HEATR9: variants seen among roughly 807,000 people sequenced by gnomAD.
HEATR9 encodes HEAT repeat containing 9.
In HEATR9, 54 loss-of-function variants were observed where a neutral mutation model predicts 68.2. The ratio of observed to expected loss-of-function variants is 0.79; its 90% confidence interval spans 0.64 to 0.99. The LOEUF (loss-of-function observed/expected upper bound fraction) is 0.99, where lower values mean the gene tolerates loss of function less well. Ranked by LOEUF, HEATR9 falls within the 50% of genes least tolerant of loss-of-function variation. The probability of loss-of-function intolerance (pLI) is 0.00; values close to 1 mark genes in which losing one functional copy is unlikely to be tolerated. For synonymous variants in HEATR9, 241 were observed against 253.5 expected, an observed-to-expected ratio of 0.95 and a Z score of 0.47; for missense variants, 662 against 679.7, an observed-to-expected ratio of 0.97 and a Z score of 0.29.
At chr17:35,857,713 C>T (rs967732441) in intron 11 of HEATR9, among the ~76,000 whole-genome samples, 3 of 151,664 alleles carry the variant, frequency 2.0e-5, no homozygotes, top group Admixed American at 6.6e-5. Context: ...GAGCCAAGAT[C>T]GCGCCACTGC....
At chr17:35,861,070 A>T in intron 8 of HEATR9, 1 of 874,270 alleles carries the variant, frequency 1.1e-6, no homozygotes, top group South Asian at 1.4e-5. Flanking sequence ...ATGGTTACAG[A>T]GATTTTAAAG....
intron 11 of HEATR9, among the ~76,000 whole-genome samples, chr17:35,857,471 C>T (rs1257619358): frequency 6.6e-6 from 1 of 152,030 alleles, no homozygotes; most frequent in African/African-American, 2.4e-5. Context: ...AGAAATATAA[C>T]ACCTAGGGCC....
rs2088292330 is a variant in HEATR9, at chr17:35,868,586, T to C, written c.88+69A>G. The C allele has an allele frequency of 1.9e-6, 3 of 1,605,380 alleles. No individual in the cohort carries two copies. In the East Asian group the frequency reaches 6.7e-5, roughly 36 times the overall value. ...ACTCACCTAGACCCTTGCCTGGGAG[T>C]GAGAGCCAGGTAGCATTTCTTTTTC... On this transcript the variant is annotated intron_variant, in intron 1 of 14. Transcript: ENST00000604834.
chr17:35,864,440 T>C, intron 5 of HEATR9, 57 bp downstream of exon 5: 1 of 1,592,226 alleles, frequency 6.3e-7, no homozygotes, highest in East Asian at 2.2e-5. Context: ...CTTTTTACTT[T>C]CCAGCTTGGC....
chr17:35,861,131 C>G (rs972933614), intron 8 of HEATR9: 1 of 1,316,488 alleles, frequency 7.6e-7, no homozygotes, highest in African/African-American at 1.4e-5. Context: ...ATTTTCTCTT[C>G]CAACTGCTTC....
chr17:35,857,652 G>A (rs897870412), intron 11 of HEATR9, among the ~76,000 whole-genome samples: 3 of 152,082 alleles, frequency 2.0e-5, no homozygotes, highest in East Asian at 1.9e-4. Context: ...CCAGCTACTC[G>A]GGAGGCTGAG....
At chr17:35,864,699 C>G in intron 4 of HEATR9, 59 bp downstream of exon 4, 1 of 1,609,696 alleles carries the variant, frequency 6.2e-7, no homozygotes, top group Non-Finnish European at 8.5e-7. Context: ...GGTGTGAGCC[C>G]AAGGGAAGGG....
chr17:35,857,752 C>T (rs2087826773), intron 11 of HEATR9, among the ~76,000 whole-genome samples: 1 of 151,704 alleles, frequency 6.6e-6, no homozygotes, highest in African/African-American at 2.4e-5. Flanking sequence ...GAGCAAGACT[C>T]CGTCTCAAAA....
At chr17:35,860,474 A>ATTTT (rs1464112020) in intron 8 of HEATR9, among the ~76,000 whole-genome samples, 2 of 111,466 alleles carry the variant, frequency 1.8e-5, no homozygotes, top group Non-Finnish European at 3.7e-5. Flanking sequence ...TTATTTATTT[A>ATTTT]TTTATTTTAT....
intron 8 of HEATR9, among the ~76,000 whole-genome samples, chr17:35,862,354 G>A (rs1402239043): frequency 6.6e-6 from 1 of 152,114 alleles, no homozygotes; most frequent in Non-Finnish European, 1.5e-5. Context: ...ATGAATGATG[G>A]ATTTTCTTTT....
chr17:35,862,882 C>G (rs1193168577), intron 8 of HEATR9, 113 bp downstream of exon 8: 1 of 1,457,550 alleles, frequency 6.9e-7, no homozygotes, highest in Non-Finnish European at 9.5e-7. Flanking sequence ...AGGACAGTGT[C>G]TTCCTCTATC....
chr17:35,863,431 A>G (rs2088072832), intron 7 of HEATR9, 71 bp downstream of exon 7: 16 of 1,502,456 alleles, frequency 1.1e-5, no homozygotes, highest in Non-Finnish European at 1.5e-5. Flanking sequence ...CTCCTCACCC[A>G]TTTGTCCTTA....
intron 2 of HEATR9, 75 bp from the exon 3 acceptor site, chr17:35,865,471 G>A (rs185663503): frequency 2.4e-5 from 27 of 1,110,302 alleles, no homozygotes; most frequent in East Asian, 2.2e-4. Context: ...GGAGGAGGGG[G>A]TAAAGGGAGG....
At chr17:35,857,497 C>T (rs1027830565) in intron 11 of HEATR9, among the ~76,000 whole-genome samples, 10 of 152,264 alleles carry the variant, frequency 6.6e-5, no homozygotes, top group African/African-American at 1.7e-4. Flanking sequence ...CAGTGGCTCA[C>T]GCCTGTAATC....
chr17:35,856,642 C>T, intron 12 of HEATR9, 90 bp downstream of exon 12: 3 of 1,182,838 alleles, frequency 2.5e-6, no homozygotes, highest in South Asian at 1.3e-5. Flanking sequence ...CTCACTGACC[C>T]TCTGACCCCT....
intron 6 of HEATR9, 48 bp from the exon 7 acceptor site, chr17:35,863,607 G>C: frequency 6.3e-7 from 1 of 1,577,294 alleles, no homozygotes; most frequent in Non-Finnish European, 8.7e-7. Context: ...GTGATGGAAT[G>C]TCAGAGCTTT....
At chr17:35,864,979 C>T in intron 3 of HEATR9, 89 bp from the exon 4 acceptor site, 4 of 1,536,762 alleles carry the variant, frequency 2.6e-6, no homozygotes, top group Non-Finnish European at 3.6e-6. Flanking sequence ...GGCTACAGCC[C>T]AGCTCAGATA....
At chr17:35,868,560 A>C (rs1598614505) in intron 1 of HEATR9, 95 bp downstream of exon 1, 1 of 1,565,958 alleles carries the variant, frequency 6.4e-7, no homozygotes, top group East Asian at 2.3e-5. Context: ...GGGTTTGCTG[A>C]ACTCACCTAG....
At chr17:35,860,328 C>G in intron 8 of HEATR9, among the ~76,000 whole-genome samples, 1 of 143,170 alleles carries the variant, frequency 7.0e-6, no homozygotes, top group Non-Finnish European at 1.5e-5. Context: ...GGAGGTGGAG[C>G]TTGCAGTGAG....
Sources: allele counts gnomAD v4.1 joint callset (sites outside exome capture counted in the v4.1 genomes callset), GRCh38; gene constraint gnomAD v4.1.1; transcripts MANE v1.5; gene names NCBI Gene and HGNC (gene_info 2026-07-23, HGNC 2026-07-21).